The following SCN8A variants were observed in gnomAD, a reference collection of about 807,000 sequenced individuals.
SCN8A encodes sodium voltage-gated channel alpha subunit 8.
A neutral mutation model predicts 184.1 loss-of-function variants in SCN8A; 30 were observed. The observed-to-expected ratio is 0.16, with a 90% CI of 0.12 to 0.22. The LOEUF is 0.22. Ranked by LOEUF, SCN8A falls within the 10% of genes least tolerant of loss-of-function variation. The pLI is 1.00. For missense variants in SCN8A, 1,057 were observed against 2,498.9 expected (o/e 0.42, Z 12.30); for synonymous variants, 852 against 907.0 (o/e 0.94, Z 1.09).
chr12:51,644,891 C>T (rs991414698), intron 1 of SCN8A, among the ~76,000 whole-genome samples: 1 of 151,918 alleles, frequency 6.6e-6, no homozygotes, highest in African/African-American at 2.4e-5. Context: ...GGCAACCGCC[C>T]CGTCTGAGAA....
intron 1 of SCN8A, among the ~76,000 whole-genome samples, chr12:51,636,808 CTT>C (rs1225707969): frequency 6.6e-6 from 1 of 152,218 alleles, no homozygotes. Flanking sequence ...AATAAGCATA[CTT>C]TTTGCCTTAA....
At chr12:51,663,903 A>ATTTTTTTTTTTTTTTT (rs796653928) in intron 2 of SCN8A, among the ~76,000 whole-genome samples, 2 of 69,804 alleles carry the variant, frequency 2.9e-5, no homozygotes, top group African/African-American at 4.8e-5. Context: ...CATTTGACAG[A>ATTTTTTTTTTTTTTTT]TTTTTTTTTT....
chr12:51,687,358 G>A, intron 5 of SCN8A, 139 bp downstream of exon 5: 1 of 941,776 alleles, frequency 1.1e-6, no homozygotes, highest in Non-Finnish European at 1.6e-6. Flanking sequence ...GGCCCTGTGG[G>A]CTTATGTCTA....
intron 1 of SCN8A, among the ~76,000 whole-genome samples, chr12:51,643,894 A>G (rs943164980): frequency 1.3e-5 from 2 of 152,228 alleles, no homozygotes; most frequent in Admixed American, 6.5e-5. Flanking sequence ...AAGCTTTCCA[A>G]TGCCTGGAAT....
intron 14 of SCN8A, among the ~76,000 whole-genome samples, chr12:51,756,474 C>T (rs181246122): frequency 2.0e-5 from 3 of 152,328 alleles, no homozygotes; most frequent in Admixed American, 2.0e-4. Flanking sequence ...CCGGGATCTT[C>T]TCCTGGAGAT....
intron 2 of SCN8A, among the ~76,000 whole-genome samples, chr12:51,671,847 A>G (rs186270693): frequency 3.3e-5 from 5 of 152,310 alleles, no homozygotes; most frequent in African/African-American, 1.2e-4. Context: ...TGATTTTACC[A>G]GAAGAATTTT....
At chr12:51,695,118 G>C (rs1407329419) in intron 6 of SCN8A, among the ~76,000 whole-genome samples, 1 of 152,060 alleles carries the variant, frequency 6.6e-6, no homozygotes. Flanking sequence ...ATTTTCTCTT[G>C]GTGATCTGGA....
chr12:51,631,535 G>T (rs1013117436), intron 1 of SCN8A, among the ~76,000 whole-genome samples: 2 of 152,190 alleles, frequency 1.3e-5, no homozygotes, highest in African/African-American at 4.8e-5. Flanking sequence ...ACTACCTGAA[G>T]CAGCCTCCAG....
intron 1 of SCN8A, among the ~76,000 whole-genome samples, chr12:51,650,609 TAAACTGGCCCCA>T (rs1940690270): frequency 6.8e-6 from 1 of 146,900 alleles, no homozygotes; most frequent in South Asian, 2.2e-4. Flanking sequence ...AATCTGGCCA[TAAACTGGCCCCA>T]AAACTGGCCA....
intron 21 of SCN8A, 98 bp from the exon 22 acceptor site, chr12:51,786,444 C>A: frequency 1.5e-6 from 2 of 1,326,792 alleles, no homozygotes; most frequent in Non-Finnish European, 2.1e-6. Flanking sequence ...TGTTTCCATA[C>A]AGAACAAGCC....
intron 21 of SCN8A, among the ~76,000 whole-genome samples, chr12:51,783,890 C>T (rs1202412918): frequency 2.0e-5 from 3 of 152,254 alleles, no homozygotes; most frequent in Non-Finnish European, 2.9e-5. Flanking sequence ...GTATCAATTG[C>T]CAAGTATAAA....
chr12:51,629,357 A>C (rs1380299280), intron 1 of SCN8A, among the ~76,000 whole-genome samples: 1 of 152,082 alleles, frequency 6.6e-6, no homozygotes. Flanking sequence ...TGTTCTGTGC[A>C]TTGTAAGATG....
At chr12:51,792,488 C>CAAAAA (rs71092723) in intron 25 of SCN8A, among the ~76,000 whole-genome samples, 4 of 51,586 alleles carry the variant, frequency 7.8e-5, no homozygotes, top group Admixed American at 2.8e-4. Flanking sequence ...GACCCTATCT[C>CAAAAA]AAAAAAAAAA....
chr12:51,777,178 C>G (rs1264242473), intron 20 of SCN8A, among the ~76,000 whole-genome samples: 4 of 152,198 alleles, frequency 2.6e-5, no homozygotes, highest in Admixed American at 2.6e-4. Context: ...AAAATATTCA[C>G]ATCATTTTGG....
chr12:51,663,984 A>G (rs943657507), intron 2 of SCN8A, among the ~76,000 whole-genome samples: 5 of 132,780 alleles, frequency 3.8e-5, no homozygotes, highest in Non-Finnish European at 7.6e-5. Context: ...ATCTCAGCTC[A>G]CTGCAACCTC....
chr12:51,630,402 A>G (rs910047716), intron 1 of SCN8A, among the ~76,000 whole-genome samples: 1 of 152,058 alleles, frequency 6.6e-6, no homozygotes, highest in African/African-American at 2.4e-5. Context: ...ACTTAGCATA[A>G]TGTCTTCAAG....
At chr12:51,701,606 G>A (rs1026329418) in intron 8 of SCN8A, among the ~76,000 whole-genome samples, 3 of 152,268 alleles carry the variant, frequency 2.0e-5, no homozygotes, top group South Asian at 2.1e-4. Flanking sequence ...GAGTAGCAAC[G>A]TAGTATTTGA....
intron 20 of SCN8A, among the ~76,000 whole-genome samples, chr12:51,777,194 T>A (rs1250886893): frequency 3.9e-5 from 6 of 152,114 alleles, no homozygotes; most frequent in Non-Finnish European, 8.8e-5. Flanking sequence ...TTTGGAAAAA[T>A]CACCTAATGT....
At chr12:51,700,458 C>G (rs1192644642) in intron 7 of SCN8A, among the ~76,000 whole-genome samples, 1 of 152,178 alleles carries the variant, frequency 6.6e-6, no homozygotes, top group Non-Finnish European at 1.5e-5. Context: ...CTTAATACTA[C>G]TAAGACTATT....
Sources: gnomAD v4.1 joint callset for allele counts (sites outside exome capture counted in the v4.1 genomes callset) on GRCh38, gnomAD v4.1.1 for gene constraint, MANE v1.5 for transcripts, NCBI Gene and HGNC (gene_info 2026-07-23, HGNC 2026-07-21) for gene names.